ANGPT1: variants seen among roughly 807,000 people sequenced by gnomAD.
ANGPT1 encodes the protein angiopoietin 1.
In ANGPT1, 17 loss-of-function variants were observed where a neutral mutation model predicts 62.2. The observed-to-expected ratio is 0.27, with a 90% CI of 0.19 to 0.41. The LOEUF is 0.41. Among genes scored for constraint, ANGPT1 ranks in the 10% least tolerant of loss-of-function variants. ANGPT1 has a pLI of 1.00. For synonymous variants in ANGPT1, 199 were observed against 198.9 expected (o/e 1.00, Z 0.00); for missense variants, 478 against 594.9 (o/e 0.80, Z 2.04).
chr8:107,386,374 T>C (rs76173235), intron 1 of ANGPT1, among the ~76,000 whole-genome samples: 21,190 of 152,088 alleles, frequency 0.14, 1,766 homozygotes, highest in South Asian at 0.2. Context: ...ACCTGCATGT[T>C]GTACACCTTG....
chr8:107,332,643 A>C (rs1285410655), intron 3 of ANGPT1, among the ~76,000 whole-genome samples: 8 of 152,090 alleles, frequency 5.3e-5, no homozygotes, highest in African/African-American at 1.9e-4. Flanking sequence ...ATTCCTCCTC[A>C]TTTTGCCAAA....
intron 7 of ANGPT1, among the ~76,000 whole-genome samples, chr8:107,269,854 TAAAG>T (rs1813698929): frequency 6.6e-6 from 1 of 152,048 alleles, no homozygotes; most frequent in Admixed American, 6.6e-5. Context: ...CGGATGACTA[TAAAG>T]AATGTCAGCA....
At chr8:107,411,714 A>T (rs1051153558) in intron 1 of ANGPT1, among the ~76,000 whole-genome samples, 2 of 152,200 alleles carry the variant, frequency 1.3e-5, no homozygotes, top group Non-Finnish European at 2.9e-5. Flanking sequence ...ATCTAGCTCA[A>T]ACTGACACAG....
At chr8:107,398,138 C>G (rs1469560909) in intron 1 of ANGPT1, among the ~76,000 whole-genome samples, 2 of 152,150 alleles carry the variant, frequency 1.3e-5, no homozygotes, top group Admixed American at 1.3e-4. Context: ...TTTAAGCATG[C>G]AGCTACCTGA....
At chr8:107,266,002 T>C (rs10955445) in intron 7 of ANGPT1, among the ~76,000 whole-genome samples, 36,228 of 152,092 alleles carry the variant, frequency 0.24, 4,614 homozygotes, top group East Asian at 0.31. Context: ...TCAGTTTTTG[T>C]TGGTTTCAAT....
intron 5 of ANGPT1, 115 bp downstream of exon 5, chr8:107,303,124 AG>A: frequency 8.2e-7 from 1 of 1,222,224 alleles, no homozygotes. Context: ...GGGAGAAAAA[AG>A]TTCAGGCATC....
chr8:107,457,683 A>T (rs1278906572), intron 1 of ANGPT1, among the ~76,000 whole-genome samples: 1 of 152,100 alleles, frequency 6.6e-6, no homozygotes, highest in Middle Eastern at 3.2e-3. Flanking sequence ...GTCTTTGTCA[A>T]CTCAAATTAT....
intron 1 of ANGPT1, among the ~76,000 whole-genome samples, chr8:107,471,760 A>G (rs1373281168): frequency 6.6e-6 from 1 of 152,126 alleles, no homozygotes. Flanking sequence ...TTTAATGAGA[A>G]AATATTCATG....
intron 1 of ANGPT1, among the ~76,000 whole-genome samples, chr8:107,444,136 T>G (rs1262081079): frequency 6.6e-6 from 1 of 152,212 alleles, no homozygotes; most frequent in Non-Finnish European, 1.5e-5. Context: ...GTATCATTCC[T>G]GAATCACTGG....
intron 1 of ANGPT1, among the ~76,000 whole-genome samples, chr8:107,399,568 A>T (rs1035419978): frequency 2.0e-5 from 3 of 152,134 alleles, no homozygotes; most frequent in Non-Finnish European, 4.4e-5. Context: ...TCTCACAGAG[A>T]AGAAACAGTA....
At chr8:107,328,115 GT>G (rs925266945) in intron 3 of ANGPT1, among the ~76,000 whole-genome samples, 2 of 152,070 alleles carry the variant, frequency 1.3e-5, no homozygotes, top group African/African-American at 4.8e-5. Context: ...GGAGGAAGAT[GT>G]TGAAAATATA....
In ANGPT1 at chr8:107,291,902, G is replaced by T. The variant is rs1045032008; in HGVS notation, c.1038+2034C>A. On this transcript the variant is annotated intron_variant, in intron 6 of 8. Coordinates refer to ENST00000517746, the MANE Select transcript of ANGPT1 (RefSeq NM_001146.5). Reference sequence around the variant, plus strand: ...ATTTCCACTGAAGATGGGGGGGGGGGGGGGCTTGCCACTTAATAGGCAGTC... The same window carrying T: ...ATTTCCACTGAAGATGGGGGGGGGGTGGGGCTTGCCACTTAATAGGCAGTC... 8.8e-4 allele frequency among the ~76,000 whole-genome samples: 123 copies of T among 140,550 alleles called. 5 individuals are homozygous for T. The highest frequency in any genetic ancestry group is 4.0e-3 in the Admixed American group (57 of 14,358). 92.2% of individuals were successfully genotyped at this position (140,550 alleles called of 152,430 possible). A position where few individuals can be genotyped will look rare whatever the true frequency, so the allele number is the denominator to read the frequency against.
intron 8 of ANGPT1, among the ~76,000 whole-genome samples, chr8:107,253,929 T>C (rs577953550): frequency 6.6e-6 from 1 of 152,212 alleles, no homozygotes; most frequent in South Asian, 2.1e-4. Flanking sequence ...TTGGAGACAT[T>C]GAAGGAAGGC....
Position 107,321,999 on chromosome 8 carries a change from C to T in ANGPT1, c.705G>A (p.Lys235=). The T allele has an allele frequency of 6.2e-7, 1 of 1,613,984 alleles. No homozygotes were observed. Among genetic ancestry groups the T allele is most frequent in the East Asian group, 2.2e-5 (1 of 44,856 alleles). The part of the protein sequence containing the change: ...RQTYIIQELE[K]QLNRATTNNS... ...TGTTGGTGGTAGCTCTGTTTAATTG[C>T]TTTTCCAGCTCCTGGATTATATATG... Residue 235 remains lysine, a synonymous_variant, in exon 4 of 9, where the codon AAG becomes AAA. Coordinates refer to ENST00000517746, the MANE Select transcript of ANGPT1 (RefSeq NM_001146.5).
intron 1 of ANGPT1, among the ~76,000 whole-genome samples, chr8:107,474,148 A>T (rs2130504349): frequency 6.6e-6 from 1 of 152,310 alleles, no homozygotes; most frequent in South Asian, 2.1e-4. Context: ...AGAGAATTTT[A>T]GATGAATATC....
At position 107,497,541 on chromosome 8, in the gene ANGPT1, G is replaced by C. The variant is rs267601708; in HGVS notation, c.18C>G (p.Ser6=). MTVFL[S]FAFLAAILTH... is the part of the protein sequence containing the mutation. ...TCAGAATGGCAGCGAGGAAAGCAAAGGAAAGGAAAACTGTCATTGTACTGC... is the reference window on the plus strand; with the variant it reads ...TCAGAATGGCAGCGAGGAAAGCAAACGAAAGGAAAACTGTCATTGTACTGC... The change falls in exon 1 of 9, where the codon TCC becomes TCG. Residue 6 remains serine, a synonymous_variant. Coordinates refer to ENST00000517746, the MANE Select transcript of ANGPT1 (RefSeq NM_001146.5). 2.5e-6 allele frequency: 4 copies of C among 1,613,790 alleles called. No homozygotes were observed. The African/African-American group carries it at 5.3e-5, about 22-fold the overall frequency.
intron 7 of ANGPT1, among the ~76,000 whole-genome samples, chr8:107,280,682 G>A (rs928310122): frequency 2.6e-5 from 4 of 152,166 alleles, no homozygotes; most frequent in Admixed American, 6.5e-5. Context: ...GGGTATCCAG[G>A]TAGGTAAAGT....
At chr8:107,334,474 G>A (rs1407018517) in intron 3 of ANGPT1, among the ~76,000 whole-genome samples, 1 of 151,954 alleles carries the variant, frequency 6.6e-6, no homozygotes, top group African/African-American at 2.4e-5. Context: ...TATATAAAAT[G>A]CAGCAAAATA....
intron 4 of ANGPT1, 116 bp downstream of exon 4, chr8:107,321,780 G>T (rs1815154954): frequency 3.9e-6 from 3 of 774,334 alleles, no homozygotes; most frequent in Admixed American, 3.1e-5. Flanking sequence ...TAACCATAAA[G>T]TTCTTCTGCT....
Sources: gnomAD v4.1 joint callset for allele counts (sites outside exome capture counted in the v4.1 genomes callset) on GRCh38, gnomAD v4.1.1 for gene constraint, MANE v1.5 for transcripts, NCBI Gene and HGNC (gene_info 2026-07-23, HGNC 2026-07-21) for gene names.